Variants in PPP1R1C observed in about 807,000 individuals in gnomAD.
PPP1R1C encodes the protein protein phosphatase 1 regulatory inhibitor subunit 1C, also known as protein phosphatase 1 regulatory subunit 1C.
PPP1R1C carries 15 observed loss-of-function variants against 17.4 expected under a neutral mutation model. That is an observed-to-expected ratio of 0.86 (90% CI 0.58 to 1.33). The LOEUF is 1.33. Ranked by LOEUF, PPP1R1C falls within the 40% of genes most tolerant of loss-of-function variation. The pLI, the probability that PPP1R1C is intolerant of heterozygous loss-of-function variation, is 0.00. For missense variants in PPP1R1C, 143 were observed against 130.0 expected, an observed-to-expected ratio of 1.10 and a Z score of -0.48; for synonymous variants, 35 against 43.1, an observed-to-expected ratio of 0.81 and a Z score of 0.73.
upstream of PPP1R1C, among the ~76,000 whole-genome samples, chr2:181,982,480 G>C (rs1574350579): frequency 6.6e-6 from 1 of 152,132 alleles, no homozygotes. Flanking sequence ...GATAGGATGG[G>C]ATTTGCAGTC....
At chr2:181,973,088 G>A (rs969661166) in intron 1 of PPP1R1C, among the ~76,000 whole-genome samples, 1 of 152,062 alleles carries the variant, frequency 6.6e-6, no homozygotes, top group African/African-American at 2.4e-5. Context: ...GGATGGCACT[G>A]GTGATCCCCA....
intron 2 of PPP1R1C, among the ~76,000 whole-genome samples, chr2:182,043,476 G>A (rs951409084): frequency 6.6e-6 from 1 of 151,688 alleles, no homozygotes; most frequent in South Asian, 2.1e-4. Context: ...AAAAAAATAG[G>A]AGAAAGCTCT....
chr2:182,118,208 C>T (rs1047042420), downstream of PPP1R1C, among the ~76,000 whole-genome samples: 3 of 151,992 alleles, frequency 2.0e-5, no homozygotes, highest in Admixed American at 6.6e-5. Flanking sequence ...AGGTACTATG[C>T]TGCGAATTAT....
intron 1 of PPP1R1C, among the ~76,000 whole-genome samples, chr2:181,987,370 G>A (rs955160532): frequency 2.6e-5 from 4 of 151,982 alleles, no homozygotes; most frequent in African/African-American, 9.6e-5. Flanking sequence ...AAATAAAAAA[G>A]TTAACAAAAT....
intron 4 of PPP1R1C, among the ~76,000 whole-genome samples, chr2:182,082,432 A>G (rs1688508120): frequency 6.6e-6 from 1 of 152,116 alleles, no homozygotes; most frequent in African/African-American, 2.4e-5. Context: ...CGTGTCTGGC[A>G]TAAAATCAAG....
chr2:182,061,433 C>G lies in PPP1R1C; in HGVS notation c.143-9C>G, dbSNP rs1202261660. The G allele has an allele frequency of 6.9e-7, 1 of 1,458,926 alleles. No individual in the cohort carries two copies. The highest frequency in any genetic ancestry group is 2.7e-5 in the East Asian group (1 of 37,018). The allele number at this position is 1,458,926 out of a possible 1,614,324, so 90.4% of individuals were successfully genotyped here. A position where few individuals can be genotyped will look rare whatever the true frequency, so the allele number is the denominator to read the frequency against. ...CATGCCTAATACATTCTACCTACTTCTCTTACAGAAATAGATGACAAGAGG... is the reference window on the plus strand; with the variant it reads ...CATGCCTAATACATTCTACCTACTTGTCTTACAGAAATAGATGACAAGAGG... On this transcript the variant is annotated splice_polypyrimidine_tract_variant and intron_variant, in intron 2 of 4. Transcript: ENST00000682840.
chr2:181,990,287 T>A (rs56151684), intron 2 of PPP1R1C, among the ~76,000 whole-genome samples: 1 of 151,732 alleles, frequency 6.6e-6, no homozygotes, highest in African/African-American at 2.4e-5. Context: ...TACAGGCTCC[T>A]GCCACCACGC....
At chr2:182,081,021 A>G (rs563551014) in intron 4 of PPP1R1C, among the ~76,000 whole-genome samples, 4 of 152,230 alleles carry the variant, frequency 2.6e-5, no homozygotes, top group Non-Finnish European at 4.4e-5. Flanking sequence ...TATTGACATA[A>G]ACTCTTTAAA....
At position 182,072,342 on chromosome 2, in the gene PPP1R1C, C is replaced by T. The variant is rs113688692; in HGVS notation, c.241+8551C>T. Among the ~76,000 whole-genome samples, 40 of 152,250 alleles carry T rather than the reference C, an allele frequency of 2.6e-4. No individual in the cohort carries two copies. In the South Asian group the frequency reaches 5.6e-3, roughly 21 times the overall value. On this transcript the variant is annotated intron_variant, in intron 4 of 4. Coordinates refer to ENST00000682840, the MANE Select transcript of PPP1R1C (RefSeq NM_001080545.3). The stretch of plus-strand genomic sequence containing the variant: ...AATAATAGACTGGCAGCCTTCTTGA[C>T]GCTTAGCTGTTTGCTTTACTTAAAT...
Position 182,117,600 on chromosome 2 carries a change from G to A in PPP1R1C, c.*305G>A, listed in dbSNP as rs1002801926. On this transcript the variant is annotated 3_prime_UTR_variant, in exon 5 of 5. Transcript: ENST00000682840. ...TTAATACTGCCAGAGCTTAATCCTT[G>A]ATGTCCTACTGATAAGGTTTGCATT... The A allele has an allele frequency of 1.2e-5, 3 of 245,268 alleles. No individual in the cohort carries two copies. Among genetic ancestry groups the A allele is most frequent in the South Asian group, 2.1e-4 (2 of 9,440 alleles). The allele number at this position is 245,268 out of a possible 1,614,324, so 15.2% of individuals were successfully genotyped here.
Position 181,957,129 on chromosome 2 carries a change from G to A in PPP1R1C, n.111+2495G>A, listed in dbSNP as rs746618557. 2.0e-5 allele frequency among the ~76,000 whole-genome samples: 3 copies of A among 152,176 alleles called. No homozygotes were observed. The highest frequency in any genetic ancestry group is 1.3e-4 in the Admixed American group (2 of 15,276). ...AATCTCACCACTTTGGGAGGCTGAGGTGGGCGGATTATCTGAGGTCAGGAG... is the reference window on the plus strand; with the variant it reads ...AATCTCACCACTTTGGGAGGCTGAGATGGGCGGATTATCTGAGGTCAGGAG... On this transcript the variant is annotated intron_variant and non_coding_transcript_variant, in intron 1 of 5. Transcript: ENST00000464264. The surrounding 1 kb of genome is among the most constrained non-coding windows in gnomAD (Gnocchi z 4.2).
intron 2 of PPP1R1C, among the ~76,000 whole-genome samples, chr2:182,051,726 CCTCT>C (rs1184098973): frequency 5.9e-5 from 9 of 152,158 alleles, no homozygotes; most frequent in African/African-American, 2.2e-4. Context: ...GACATAATGA[CCTCT>C]CTATGTTTAT....
At chr2:182,036,478 T>A (rs1045499700) in intron 2 of PPP1R1C, among the ~76,000 whole-genome samples, 1 of 152,220 alleles carries the variant, frequency 6.6e-6, no homozygotes, top group Admixed American at 6.5e-5. Flanking sequence ...TTTTTAAACA[T>A]GAAATTACTA....
chr2:181,961,533 C>G lies in PPP1R1C; in HGVS notation n.111+6899C>G, dbSNP rs1410729619. 1.1e-5 allele frequency: 10 copies of G among 938,592 alleles called. No individual in the cohort carries two copies. Among genetic ancestry groups the G allele is most frequent in the Non-Finnish European group, 1.7e-5 (10 of 596,544 alleles). 58.1% of individuals were successfully genotyped at this position (938,592 alleles called of 1,614,324 possible). On this transcript the variant is annotated intron_variant and non_coding_transcript_variant, in intron 1 of 5. Coordinates refer to the PPP1R1C transcript ENST00000464264. The surrounding 1 kb of genome is among the most constrained non-coding windows in gnomAD (Gnocchi z 5.8). ...TCAGGCTGTTCTCCAAGCTGGCCTT[C>G]AGATTTCTCATGGAGTCCAGGTCCA...
At chr2:182,092,470 A>C (rs1559089710) in intron 4 of PPP1R1C, among the ~76,000 whole-genome samples, 1 of 152,166 alleles carries the variant, frequency 6.6e-6, no homozygotes, top group Non-Finnish European at 1.5e-5. Flanking sequence ...CACATTTCAA[A>C]GCCCATCATG....
intron 2 of PPP1R1C, among the ~76,000 whole-genome samples, chr2:182,049,530 T>C (rs999297346): frequency 4.6e-5 from 7 of 151,878 alleles, no homozygotes; most frequent in African/African-American, 1.7e-4. Context: ...ATATAATCCC[T>C]TGGCTGCAAA....
At chr2:181,968,369 G>T (rs540663567) in intron 1 of PPP1R1C, among the ~76,000 whole-genome samples, 1 of 152,260 alleles carries the variant, frequency 6.6e-6, no homozygotes, top group African/African-American at 2.4e-5. Context: ...TACATATCTG[G>T]ATACTCCAGG....
downstream of PPP1R1C, among the ~76,000 whole-genome samples, chr2:182,122,558 T>A (rs1233809966): frequency 1.3e-5 from 2 of 152,138 alleles, no homozygotes; most frequent in Non-Finnish European, 2.9e-5. Flanking sequence ...TTTTTTGTTT[T>A]TTTGAGGAAA....
intron 2 of PPP1R1C, among the ~76,000 whole-genome samples, chr2:182,027,802 G>A (rs1291233396): frequency 6.7e-6 from 1 of 148,414 alleles, no homozygotes; most frequent in Admixed American, 6.7e-5. Flanking sequence ...GTTCCTCCTT[G>A]TACCTCTGGT....
Sources: gnomAD v4.1 joint callset for allele counts (sites outside exome capture counted in the v4.1 genomes callset) on GRCh38, gnomAD v4.1.1 for gene constraint, Gnocchi (gnomAD v3.1) non-coding constraint, MANE v1.5 for transcripts, NCBI Gene and HGNC (gene_info 2026-07-23, HGNC 2026-07-21) for gene names.